Variants in LY96 observed in about 807,000 individuals in gnomAD.
The protein encoded by LY96 is myeloid differentiation protein-2.
Under a neutral mutation model 18.9 loss-of-function variants are expected in LY96, and 18 were observed. The ratio of observed to expected loss-of-function variants is 0.95; its 90% confidence interval spans 0.66 to 1.41. The LOEUF is 1.41. Ranked by LOEUF, LY96 falls within the 40% of genes most tolerant of loss-of-function variation. The probability of loss-of-function intolerance (pLI) is 0.00; values close to 1 mark genes in which losing one functional copy is unlikely to be tolerated. For missense variants in LY96, 175 were observed against 182.4 expected (o/e 0.96, Z 0.23); for synonymous variants, 66 against 62.6 (o/e 1.06, Z -0.26).
At chr8:74,042,105 T>G in the LY96 span, among the ~76,000 whole-genome samples, 3 of 152,358 alleles carry the variant, frequency 2.0e-5, no homozygotes, top group African/African-American at 7.2e-5. Context: ...AGAAAGAACC[T>G]ACACTGAAAT....
intron 3 of LY96, among the ~76,000 whole-genome samples, chr8:74,025,831 A>T (rs780095086): frequency 2.0e-5 from 3 of 152,090 alleles, no homozygotes; most frequent in Non-Finnish European, 4.4e-5. Flanking sequence ...AGCATGATGA[A>T]ACCCTGTCTT....
the LY96 span, among the ~76,000 whole-genome samples, chr8:74,075,081 G>A: frequency 1.3e-5 from 2 of 152,180 alleles, no homozygotes; most frequent in African/African-American, 4.8e-5. Flanking sequence ...TGAAAGAGGG[G>A]CGTTGAAGTC....
intron 3 of LY96, among the ~76,000 whole-genome samples, chr8:74,022,292 C>G (rs1030428734): frequency 2.6e-5 from 4 of 151,792 alleles, no homozygotes; most frequent in African/African-American, 9.7e-5. Context: ...TTGTAATCCC[C>G]GCTACCACCC....
Position 74,028,943 on chromosome 8 carries a change from T to C in LY96, c.385-13T>C. 2.0e-6 allele frequency: 3 copies of C among 1,501,924 alleles called. No individual in the cohort carries two copies. The highest frequency in any genetic ancestry group is 1.1e-5 in the South Asian group (1 of 87,922). 93.0% of individuals were successfully genotyped at this position (1,501,924 alleles called of 1,614,324 possible). Reference sequence around the variant, plus strand: ...CATTTTGTATTACTTGTATTTCTTATACTTCATTTTAGGGAAAATACAAAT... The same window carrying C: ...CATTTTGTATTACTTGTATTTCTTACACTTCATTTTAGGGAAAATACAAAT... On this transcript the variant is annotated splice_polypyrimidine_tract_variant and intron_variant, in intron 4 of 4. Transcript: ENST00000284818.
chr8:74,088,553 C>T, the LY96 span, among the ~76,000 whole-genome samples: 1 of 152,142 alleles, frequency 6.6e-6, no homozygotes, highest in East Asian at 1.9e-4. Context: ...AAACCGCAGA[C>T]TGTGACCCTT....
intron 3 of LY96, among the ~76,000 whole-genome samples, chr8:74,025,087 A>G (rs1015108850): frequency 6.6e-5 from 10 of 152,166 alleles, no homozygotes; most frequent in Non-Finnish European, 1.2e-4. Flanking sequence ...TTGGCCTCCC[A>G]AAGTGTTGTG....
At chr8:74,013,581 C>T (rs1190863756) in intron 3 of LY96, among the ~76,000 whole-genome samples, 1 of 152,084 alleles carries the variant, frequency 6.6e-6, no homozygotes, top group African/African-American at 2.4e-5. Flanking sequence ...AGCCATTGCT[C>T]CTGGACATTT....
chr8:74,009,896 A>G, intron 2 of LY96, 105 bp from the exon 3 acceptor site: 1 of 792,592 alleles, frequency 1.3e-6, no homozygotes, highest in Admixed American at 2.1e-5. Flanking sequence ...AAATGAAATA[A>G]TGTAAGAAAA....
At chr8:73,998,880 G>C (rs1274673066) in intron 1 of LY96, among the ~76,000 whole-genome samples, 1 of 151,910 alleles carries the variant, frequency 6.6e-6, no homozygotes, top group Non-Finnish European at 1.5e-5. Flanking sequence ...TACTATAAAA[G>C]TTTTTAACTT....
At chr8:74,041,638 C>T in the LY96 span, among the ~76,000 whole-genome samples, 14 of 152,202 alleles carry the variant, frequency 9.2e-5, no homozygotes, top group African/African-American at 2.2e-4. Context: ...CTGTCTTATG[C>T]GGTTGAGATG....
intron 1 of LY96, among the ~76,000 whole-genome samples, chr8:74,004,159 C>T (rs985967546): frequency 6.6e-6 from 1 of 152,200 alleles, no homozygotes; most frequent in African/African-American, 2.4e-5. Flanking sequence ...TTAACTCTTT[C>T]CCTCCCCGGG....
chr8:74,026,743 C>T (rs535063183), intron 3 of LY96, 46 bp from the exon 4 acceptor site: 1 of 1,108,864 alleles, frequency 9.0e-7, no homozygotes, highest in Admixed American at 1.7e-5. Context: ...AAAAATATCA[C>T]CTAACCGTGA....
At chr8:74,098,827 A>G in the LY96 span, among the ~76,000 whole-genome samples, 1 of 152,242 alleles carries the variant, frequency 6.6e-6, no homozygotes, top group Non-Finnish European at 1.5e-5. Context: ...TTCATAGCCC[A>G]TGATTCAGAC....
chr8:74,009,580 C>T (rs1199564680), intron 2 of LY96, among the ~76,000 whole-genome samples: 1 of 152,170 alleles, frequency 6.6e-6, no homozygotes, highest in African/African-American at 2.4e-5. Flanking sequence ...TCAAAAGATT[C>T]TATTTTATTC....
At chr8:74,030,606 T>TA (rs1012848061), downstream of LY96, among the ~76,000 whole-genome samples, 12 of 152,218 alleles carry the variant, frequency 7.9e-5, no homozygotes, top group Non-Finnish European at 1.5e-4. Flanking sequence ...TTCTGCCTAT[T>TA]AAACCTCCAC....
the LY96 span, among the ~76,000 whole-genome samples, chr8:74,087,302 G>A: frequency 2.0e-4 from 31 of 152,216 alleles, no homozygotes; most frequent in Admixed American, 1.4e-3. Flanking sequence ...GACCTCCTGT[G>A]TCGACATCTT....
At chr8:74,041,960 C>T in the LY96 span, among the ~76,000 whole-genome samples, 7 of 152,120 alleles carry the variant, frequency 4.6e-5, no homozygotes, top group African/African-American at 1.4e-4. Context: ...CTTAATAAAA[C>T]TTGCTGGTTT....
At chr8:74,084,307 C>A in the LY96 span, among the ~76,000 whole-genome samples, 2 of 152,310 alleles carry the variant, frequency 1.3e-5, no homozygotes, top group East Asian at 3.9e-4. Flanking sequence ...CACGGATTAA[C>A]TCAGTCCCTT....
intron 1 of LY96, among the ~76,000 whole-genome samples, chr8:73,999,670 T>A (rs958829226): frequency 1.3e-5 from 2 of 152,192 alleles, no homozygotes; most frequent in Non-Finnish European, 2.9e-5. Flanking sequence ...TTTACATTTT[T>A]ATTTTCTTTA....
Sources: allele counts gnomAD v4.1 joint callset (sites outside exome capture counted in the v4.1 genomes callset), GRCh38; gene constraint gnomAD v4.1.1; transcripts MANE v1.5; gene names NCBI Gene and HGNC (gene_info 2026-07-23, HGNC 2026-07-21).